FCAR: variants seen among roughly 807,000 people sequenced by gnomAD.
FCAR encodes Fc alpha receptor, also known as immunoglobulin alpha Fc receptor.
A neutral mutation model predicts 27.1 loss-of-function variants in FCAR; 21 were observed. The ratio of observed to expected loss-of-function variants is 0.77; its 90% CI spans 0.55 to 1.11. FCAR has a LOEUF of 1.11. FCAR is among the 50% of genes most tolerant of loss of function. FCAR has a pLI of 0.00. For synonymous variants in FCAR, 134 were observed against 135.8 expected (o/e 0.99, Z 0.09); for missense variants, 404 against 358.4 (o/e 1.13, Z -1.03).
intron 3 of FCAR, among the ~76,000 whole-genome samples, chr19:54,886,597 C>T (rs1408667204): frequency 1.3e-5 from 2 of 151,632 alleles, no homozygotes; most frequent in South Asian, 2.1e-4. Flanking sequence ...TGAGCCACCA[C>T]GCCCGGCCCC....
chr19:54,880,296 G>A (rs1285710326), intron 2 of FCAR, among the ~76,000 whole-genome samples: 1 of 152,090 alleles, frequency 6.6e-6, no homozygotes, highest in African/African-American at 2.4e-5. Context: ...TTAGTTCAGA[G>A]AGCCAGTATT....
intron 2 of FCAR, among the ~76,000 whole-genome samples, chr19:54,884,232 C>T (rs587676724): frequency 2.6e-4 from 40 of 152,336 alleles, no homozygotes; most frequent in Non-Finnish European, 5.0e-4. Flanking sequence ...TCACTGCTCC[C>T]ACGCACCATG....
At chr19:54,876,464 T>C (rs1000294146) in intron 2 of FCAR, among the ~76,000 whole-genome samples, 5 of 152,304 alleles carry the variant, frequency 3.3e-5, no homozygotes, top group South Asian at 2.1e-4. Flanking sequence ...GACTGTGAGT[T>C]TGTCATACAT....
chr19:54,877,445 C>G (rs2066158833), intron 2 of FCAR, among the ~76,000 whole-genome samples: 1 of 151,684 alleles, frequency 6.6e-6, no homozygotes, highest in Non-Finnish European at 1.5e-5. Flanking sequence ...GGTAATATAC[C>G]CTTTGTTGTT....
intron 2 of FCAR, among the ~76,000 whole-genome samples, chr19:54,881,973 C>T (rs1179918066): frequency 6.6e-6 from 1 of 152,204 alleles, no homozygotes; most frequent in Non-Finnish European, 1.5e-5. Context: ...GCTTCTTCCC[C>T]AGATCACGGG....
chr19:54,880,692 G>C (rs369287987), intron 2 of FCAR: 1 of 151,804 alleles, frequency 6.6e-6, no homozygotes, highest in Admixed American at 6.6e-5. Context: ...TGAGTGTGCT[G>C]CAATTTGAAT....
At chr19:54,879,172 T>C (rs759351615) in intron 2 of FCAR, among the ~76,000 whole-genome samples, 1 of 152,244 alleles carries the variant, frequency 6.6e-6, no homozygotes, top group African/African-American at 2.4e-5. Context: ...CCACTGCACC[T>C]GGCCTCTTGC....
chr19:54,882,506 G>T (rs2145883105), intron 2 of FCAR, among the ~76,000 whole-genome samples: 1 of 151,384 alleles, frequency 6.6e-6, no homozygotes, highest in East Asian at 1.9e-4. Flanking sequence ...CACGATCTCA[G>T]CTCACTGCTG....
intron 3 of FCAR, among the ~76,000 whole-genome samples, chr19:54,886,554 G>A (rs189197674): frequency 2.8e-3 from 432 of 151,888 alleles, no homozygotes; most frequent in Non-Finnish European, 3.9e-3. Context: ...TGATCCGCCC[G>A]CCTGGCCTCC....
intron 2 of FCAR, among the ~76,000 whole-genome samples, chr19:54,878,751 ATTT>A (rs57738807): frequency 2.5e-5 from 3 of 121,640 alleles, no homozygotes; most frequent in East Asian, 2.4e-4. Flanking sequence ...CAGCTCCTGC[ATTT>A]TTTTTTTTTT....
At position 54,890,675 on chromosome 19, in the gene FCAR, G is replaced by C. The variant is rs147280596; in HGVS notation, c.*812G>C. 3 of 151,842 alleles carry C rather than the reference G, an allele frequency of 2.0e-5. No individual in the cohort carries two copies. The highest frequency in any genetic ancestry group is 2.9e-5 in the Non-Finnish European group (2 of 67,974). 9.4% of individuals were successfully genotyped at this position (151,842 alleles called of 1,614,324 possible). On this transcript the variant is annotated 3_prime_UTR_variant, in exon 5 of 5. Transcript: ENST00000355524. ...AAACTTCTGACCTCGTGATCTGCCC[G>C]CCTCGGCCTCCCAAAGTGCTGGGAT...
At chr19:54,887,039 G>T (rs1410279078) in intron 3 of FCAR, among the ~76,000 whole-genome samples, 19 of 71,554 alleles carry the variant, frequency 2.7e-4, no homozygotes, top group Non-Finnish European at 5.7e-4. Flanking sequence ...TGGGAGGCTG[G>T]GCGCCGTGGC....
In FCAR at chr19:54,888,135, C is replaced by A. The variant is rs982753670; in HGVS notation, c.490C>A (p.Leu164Ile). 3 of 1,614,158 alleles carry A rather than the reference C, an allele frequency of 1.9e-6. No homozygotes were observed. Among genetic ancestry groups the A allele is most frequent in the Admixed American group, 1.7e-5 (1 of 60,008 alleles). Residue 164 changes from leucine to isoleucine, a missense_variant, in exon 4 of 5, where the codon CTT (leucine) becomes ATT (isoleucine). Coordinates refer to ENST00000355524, the MANE Select transcript of FCAR (RefSeq NM_002000.4). ...ATTTTCACTGGCCAAGGAGGGAGAA[C>A]TTTCTCTGCCACAGCACCAAAGTGG... ...DRFSLAKEGE[L>I]SLPQHQSGEH...
chr19:54,888,238 A>G lies in FCAR; in HGVS notation c.593A>G (p.Asn198Ser). 6.2e-7 allele frequency: 1 copy of G among 1,614,192 alleles called. No individual in the cohort carries two copies. Among genetic ancestry groups the G allele is most frequent in the South Asian group, 1.1e-5 (1 of 91,076 alleles). ...SGIYRCYGWY[N>S]RSPYLWSFPS... The stretch of plus-strand genomic sequence containing the variant: ...ATCTACAGGTGCTACGGTTGGTACA[A>G]CAGGAGCCCCTACCTGTGGTCCTTC... Residue 198 changes from asparagine (N) to serine (S), a missense_variant, in exon 4 of 5, where the codon AAC becomes AGC. Asn to Ser is a conservative substitution (Grantham distance 46). Transcript: ENST00000355524.
intron 3 of FCAR, among the ~76,000 whole-genome samples, chr19:54,886,435 G>C (rs1229535873): frequency 1.3e-5 from 2 of 150,160 alleles, no homozygotes; most frequent in Non-Finnish European, 3.0e-5. Context: ...AGCCTCCCGA[G>C]TAGCTGGGAC....
At chr19:54,878,158 C>T (rs376475922) in intron 2 of FCAR, among the ~76,000 whole-genome samples, 3 of 152,310 alleles carry the variant, frequency 2.0e-5, no homozygotes, top group East Asian at 3.9e-4. Flanking sequence ...ACCTCATGAT[C>T]CGCCAGCCTT....
intron 2 of FCAR, among the ~76,000 whole-genome samples, chr19:54,876,376 T>C (rs1175320094): frequency 6.6e-6 from 1 of 152,174 alleles, no homozygotes; most frequent in Non-Finnish European, 1.5e-5. Flanking sequence ...TGAACAGAAG[T>C]AGTGAGAGAC....
At position 54,885,985 on chromosome 19, in the gene FCAR, G is replaced by C. The variant is rs148215662; in HGVS notation, c.361+460G>C. Among the ~76,000 whole-genome samples, 1,277 of 152,204 alleles carry C rather than the reference G, an allele frequency of 8.4e-3. 18 individuals are homozygous for C. Among genetic ancestry groups the C allele is most frequent in the African/African-American group, 0.029 (1,221 of 41,546 alleles). The stretch of plus-strand genomic sequence containing the variant: ...ACAATCGCTGGGCGCGGTGGCTCAC[G>C]CCTGTAATCCCAACACTTTGGGTGG... On this transcript the variant is annotated intron_variant, in intron 3 of 4. Transcript: ENST00000355524.
intron 2 of FCAR, among the ~76,000 whole-genome samples, chr19:54,876,878 G>A (rs906974182): frequency 5.3e-5 from 8 of 152,190 alleles, no homozygotes; most frequent in South Asian, 2.1e-4. Flanking sequence ...CCAAGTTCAC[G>A]CCACTACACT....
Sources: gnomAD v4.1 joint callset for allele counts (sites outside exome capture counted in the v4.1 genomes callset) on GRCh38, gnomAD v4.1.1 for gene constraint, MANE v1.5 for transcripts, NCBI Gene and HGNC (gene_info 2026-07-23, HGNC 2026-07-21) for gene names.